Variants in ANKH observed in about 807,000 individuals in gnomAD.
ANKH encodes the protein mineralization regulator ANKH.
Under a neutral mutation model 49.0 loss-of-function variants are expected in ANKH, and 15 were observed. The ratio of observed to expected loss-of-function variants is 0.31; its 90% CI spans 0.20 to 0.47. The LOEUF (loss-of-function observed/expected upper bound fraction) is 0.47, where lower values mean the gene tolerates loss of function less well. Ranked by LOEUF, ANKH falls within the 20% of genes least tolerant of loss-of-function variation. The pLI is 1.00. For missense variants in ANKH, 429 were observed against 652.0 expected (o/e 0.66, Z 3.72); for synonymous variants, 273 against 260.0 (o/e 1.05, Z -0.48).
chr5:14,722,210 T>C (rs1463470470), intron 8 of ANKH, among the ~76,000 whole-genome samples: 4 of 152,104 alleles, frequency 2.6e-5, no homozygotes, highest in Non-Finnish European at 5.9e-5. Flanking sequence ...TCCTCAAATA[T>C]TTGCAGAGCC....
chr5:14,773,027 C>T (rs1739498298), intron 1 of ANKH, among the ~76,000 whole-genome samples: 4 of 152,214 alleles, frequency 2.6e-5, no homozygotes, highest in Admixed American at 2.6e-4. Context: ...CAGGGTGAAG[C>T]CAGTCTCCAG....
intron 11 of ANKH, among the ~76,000 whole-genome samples, chr5:14,711,613 C>G (rs1484921927): frequency 2.0e-5 from 3 of 152,216 alleles, no homozygotes; most frequent in African/African-American, 7.2e-5. Context: ...GGGCTGCGCT[C>G]TCCCCGACTC....
intron 1 of ANKH, chr5:14,797,030 C>A: frequency 8.3e-7 from 1 of 1,200,618 alleles, no homozygotes; most frequent in Non-Finnish European, 1.1e-6. Flanking sequence ...AGAGGGATAG[C>A]TGAATAAAAT....
intron 1 of ANKH, among the ~76,000 whole-genome samples, chr5:14,837,459 C>T (rs187831753): frequency 6.6e-5 from 10 of 152,244 alleles, no homozygotes; most frequent in East Asian, 3.9e-4. Flanking sequence ...AAAAAGTGGA[C>T]GAAGGATATG....
In ANKH at chr5:14,792,017, T is replaced by C. The variant is rs533409022; in HGVS notation, c.97-22826A>G. 2.0e-5 allele frequency among the ~76,000 whole-genome samples: 3 copies of C among 152,284 alleles called. No homozygotes were observed. In the South Asian group the frequency reaches 6.2e-4, roughly 32 times the overall value. On this transcript the variant is annotated intron_variant, in intron 1 of 11. Coordinates refer to ENST00000284268, the MANE Select transcript of ANKH (RefSeq NM_054027.6). Reference sequence around the variant, plus strand: ...CATAGGACAAAAATGGTGGCTCTGATTCGATCAGCAAGAGCAAGCTGCCTG... The same window carrying C: ...CATAGGACAAAAATGGTGGCTCTGACTCGATCAGCAAGAGCAAGCTGCCTG...
rs893105238 is a variant in ANKH at position 14,770,941 on chromosome 5, G to T, written c.97-1750C>A. On this transcript the variant is annotated intron_variant, in intron 1 of 11. Transcript: ENST00000284268. This position sits in a 1 kb window ranked among gnomAD's most constrained non-coding sequence, Gnocchi z 4.1. ...CAATAGAGACACAATCACATTCATA[G>T]AATTCATATTCAGTCTCTGCTATGT... Among the ~76,000 whole-genome samples the T allele has an allele frequency of 3.3e-5, 5 of 152,184 alleles. No homozygotes were observed. Among genetic ancestry groups the T allele is most frequent in the African/African-American group, 7.2e-5 (3 of 41,444 alleles).
At chr5:14,738,255 G>A (rs1158487576) in intron 8 of ANKH, among the ~76,000 whole-genome samples, 4 of 152,162 alleles carry the variant, frequency 2.6e-5, no homozygotes, top group South Asian at 2.1e-4. Context: ...CAGTGACACC[G>A]CGGTATTTTT....
Position 14,709,856 on chromosome 5 carries a change from AATGT to A in ANKH, c.*1337_*1340del, listed in dbSNP as rs1387732651. ...TTTTATTGAAAATGCGAAAATAGGA[AATGT>A]ATTATAGCCTAAAATAAATTACATA... On this transcript the variant is annotated 3_prime_UTR_variant, in exon 12 of 12. Coordinates refer to ENST00000284268, the MANE Select transcript of ANKH (RefSeq NM_054027.6). 1 of 152,664 alleles carries A rather than the reference AATGT, an allele frequency of 6.6e-6. No individual in the cohort carries two copies. The highest frequency in any genetic ancestry group is 1.5e-5 in the Non-Finnish European group (1 of 68,050). The allele number at this position is 152,664 out of a possible 1,614,324, so 9.5% of individuals were successfully genotyped here. A position where few individuals can be genotyped will look rare whatever the true frequency, so the allele number is the denominator to read the frequency against.
At chr5:14,773,054 T>C (rs934334309) in intron 1 of ANKH, among the ~76,000 whole-genome samples, 7 of 152,346 alleles carry the variant, frequency 4.6e-5, no homozygotes, top group Middle Eastern at 6.8e-3. Flanking sequence ...CCACATCCTC[T>C]ATGCACTTTT....
In ANKH at chr5:14,760,586, C is replaced by T. The variant is rs546096590; in HGVS notation, c.314-1988G>A. Among the ~76,000 whole-genome samples the T allele has an allele frequency of 1.5e-4, 23 of 152,290 alleles. No homozygotes were observed. The East Asian group carries it at 3.1e-3, about 20-fold the overall frequency. ...TCATTCAGTCAACAAATGTTCACTG[C>T]GCAGGGATCTGCAAGGAGACCATCC... On this transcript the variant is annotated intron_variant, in intron 2 of 11. Coordinates refer to ENST00000284268, the MANE Select transcript of ANKH (RefSeq NM_054027.6).
intron 8 of ANKH, among the ~76,000 whole-genome samples, chr5:14,729,566 T>G (rs1009251141): frequency 6.6e-6 from 1 of 151,882 alleles, no homozygotes; most frequent in African/African-American, 2.4e-5. Context: ...AACCTCTGAC[T>G]TCTAGGAGGC....
At chr5:14,841,651 T>C (rs1741818975) in intron 1 of ANKH, among the ~76,000 whole-genome samples, 1 of 152,206 alleles carries the variant, frequency 6.6e-6, no homozygotes, top group Non-Finnish European at 1.5e-5. Context: ...ATTCACATTG[T>C]TGGGCAACCA....
intron 1 of ANKH, among the ~76,000 whole-genome samples, chr5:14,867,705 A>C (rs544580063): frequency 6.6e-6 from 1 of 152,002 alleles, no homozygotes; most frequent in Non-Finnish European, 1.5e-5. Flanking sequence ...GACTACAGGC[A>C]CCCGCCACCG....
At chr5:14,793,082 T>A (rs28480499) in intron 1 of ANKH, among the ~76,000 whole-genome samples, 25 of 108,630 alleles carry the variant, frequency 2.3e-4, no homozygotes, top group South Asian at 7.9e-4. Context: ...TATATAAAAA[T>A]ATATATATAA....
intron 1 of ANKH, among the ~76,000 whole-genome samples, chr5:14,772,544 CCTTT>C (rs1398085559): frequency 2.0e-5 from 3 of 152,144 alleles, no homozygotes; most frequent in Non-Finnish European, 4.4e-5. Context: ...TGCCATGATG[CCTTT>C]CTTAGAAACA....
chr5:14,757,479 C>G (rs1362373179), intron 3 of ANKH, among the ~76,000 whole-genome samples: 1 of 129,478 alleles, frequency 7.7e-6, no homozygotes, highest in Non-Finnish European at 1.5e-5. Context: ...TATAAGACAG[C>G]AGAAGAGAAT....
rs1026188927 is a variant in ANKH at position 14,867,575 on chromosome 5, C to T, written c.96+3777G>A. Among the ~76,000 whole-genome samples the T allele has an allele frequency of 5.3e-5, 8 of 150,206 alleles. No individual in the cohort carries two copies. In the South Asian group the frequency reaches 6.3e-4, roughly 12 times the overall value. On this transcript the variant is annotated intron_variant, in intron 1 of 11. Coordinates refer to ENST00000284268, the MANE Select transcript of ANKH (RefSeq NM_054027.6). ...TCCCATTTTCTTTTTTTTTTTGAGA[C>T]GGAGTCTCGCTCTGTCGCCCAGGCC...
At chr5:14,822,471 T>C (rs927707969) in intron 1 of ANKH, among the ~76,000 whole-genome samples, 2 of 152,162 alleles carry the variant, frequency 1.3e-5, no homozygotes, top group African/African-American at 4.8e-5. Flanking sequence ...ACTTCAGAAA[T>C]AGCACTACCA....
intron 1 of ANKH, among the ~76,000 whole-genome samples, chr5:14,839,340 C>T (rs950160323): frequency 3.9e-5 from 6 of 152,080 alleles, no homozygotes; most frequent in Non-Finnish European, 7.4e-5. Flanking sequence ...AGTAAAAATG[C>T]TAACATCGAT....
Sources: allele counts gnomAD v4.1 joint callset (sites outside exome capture counted in the v4.1 genomes callset), GRCh38; gene constraint gnomAD v4.1.1; non-coding constraint Gnocchi (gnomAD v3.1); transcripts MANE v1.5; gene names NCBI Gene and HGNC (gene_info 2026-07-23, HGNC 2026-07-21).